The following HACE1 variants were observed in gnomAD, a reference collection of about 807,000 sequenced individuals.
HACE1 encodes the protein HECT domain and ankyrin repeat containing E3 ubiquitin protein ligase 1.
Under a neutral mutation model 118.4 loss-of-function variants are expected in HACE1, and 73 were observed. The ratio of observed to expected loss-of-function variants is 0.62; its 90% confidence interval spans 0.51 to 0.75. The LOEUF is 0.75. Ranked by LOEUF, HACE1 falls within the 30% of genes least tolerant of loss-of-function variation. HACE1 has a pLI of 0.00. For missense variants in HACE1, 749 were observed against 1,102.2 expected, an observed-to-expected ratio of 0.68 and a Z score of 4.54; for synonymous variants, 368 against 374.8, an observed-to-expected ratio of 0.98 and a Z score of 0.21.
At chr6:104,859,400 G>C in intron 1 of HACE1, 167 bp downstream of exon 1, 1 of 588,750 alleles carries the variant, frequency 1.7e-6, no homozygotes, top group South Asian at 2.1e-5. Context: ...GGAGCGTCGG[G>C]CCAGGGGAGT....
chr6:104,835,618 G>GA (rs971740658), intron 5 of HACE1, among the ~76,000 whole-genome samples: 2 of 152,002 alleles, frequency 1.3e-5, no homozygotes, highest in African/African-American at 4.8e-5. Flanking sequence ...AGGAGTTGGG[G>GA]AAAAAATAAA....
intron 17 of HACE1, among the ~76,000 whole-genome samples, chr6:104,774,146 G>C (rs1780955771): frequency 9.9e-6 from 1 of 101,048 alleles, no homozygotes; most frequent in Admixed American, 1.0e-4. Context: ...CTGGAGTGCA[G>C]TGGCGGGATC....
intron 19 of HACE1, among the ~76,000 whole-genome samples, chr6:104,767,635 G>GT (rs1248026254): frequency 1.3e-5 from 2 of 152,122 alleles, no homozygotes; most frequent in Non-Finnish European, 2.9e-5. Context: ...TGGATGCAAA[G>GT]TCTTTCAGAA....
chr6:104,779,644 GA>G (rs1445874772), intron 14 of HACE1, among the ~76,000 whole-genome samples: 2 of 152,020 alleles, frequency 1.3e-5, no homozygotes, highest in African/African-American at 2.4e-5. Flanking sequence ...TAAGAGGAGA[GA>G]AAAAACATTA....
intron 22 of HACE1, among the ~76,000 whole-genome samples, chr6:104,743,056 G>A (rs369840051): frequency 6.6e-5 from 10 of 151,256 alleles, no homozygotes; most frequent in East Asian, 2.0e-4. Context: ...GTAAACTATC[G>A]CAAGAACAAA....
chr6:104,730,449 T>A (rs1562240851), intron 22 of HACE1, 33 bp from the exon 23 acceptor site: 3 of 979,978 alleles, frequency 3.1e-6, no homozygotes, highest in Non-Finnish European at 5.0e-6. Flanking sequence ...ATTGTAATCA[T>A]GAAAGAAAGA....
chr6:104,753,645 G>A (rs1459677036), intron 19 of HACE1, among the ~76,000 whole-genome samples: 1 of 152,134 alleles, frequency 6.6e-6, no homozygotes, highest in Non-Finnish European at 1.5e-5. Context: ...GCAAACCACA[G>A]CAGCCCTATA....
At position 104,728,646 on chromosome 6, in the gene HACE1, T is replaced by C. The variant is rs1774891707; in HGVS notation, c.*1016A>G. 1.3e-5 allele frequency: 2 copies of C among 152,168 alleles called. No individual in the cohort carries two copies. The highest frequency in any genetic ancestry group is 1.3e-4 in the Admixed American group (2 of 15,278). 9.4% of individuals were successfully genotyped at this position (152,168 alleles called of 1,614,324 possible). ...AACATAACAAATCCTTCCGTTAGCATTTCTTCGTGTATGCATGTTCCTACT... is the reference window on the plus strand; with the variant it reads ...AACATAACAAATCCTTCCGTTAGCACTTCTTCGTGTATGCATGTTCCTACT... On this transcript the variant is annotated 3_prime_UTR_variant, in exon 24 of 24. Transcript: ENST00000262903.
intron 22 of HACE1, among the ~76,000 whole-genome samples, chr6:104,743,302 TA>T (rs1054555342): frequency 1.3e-4 from 20 of 149,416 alleles, no homozygotes; most frequent in African/African-American, 4.9e-4. Context: ...CCCTAAAACT[TA>T]AAGTATAATA....
At chr6:104,830,110 G>A (rs897578826) in intron 6 of HACE1, among the ~76,000 whole-genome samples, 3 of 152,050 alleles carry the variant, frequency 2.0e-5, no homozygotes, top group Non-Finnish European at 4.4e-5. Flanking sequence ...TGGGCAACAG[G>A]TAGGGTGTGC....
intron 6 of HACE1, among the ~76,000 whole-genome samples, chr6:104,819,645 G>A (rs951192121): frequency 6.6e-6 from 1 of 152,064 alleles, no homozygotes; most frequent in East Asian, 1.9e-4. Context: ...CTATACTACA[G>A]GGATATAGTG....
chr6:104,735,125 G>A (rs949212437), intron 22 of HACE1, among the ~76,000 whole-genome samples: 12 of 151,816 alleles, frequency 7.9e-5, no homozygotes, highest in Non-Finnish European at 1.2e-4. Context: ...TGGCAATACC[G>A]TAATTTAAAA....
In HACE1 at chr6:104,836,234, T is replaced by C. The variant is rs533748726; in HGVS notation, c.403-3061A>G. Among the ~76,000 whole-genome samples, 3 of 152,080 alleles carry C rather than the reference T, an allele frequency of 2.0e-5. No individual in the cohort carries two copies. In the South Asian group the frequency reaches 6.2e-4, roughly 32 times the overall value. On this transcript the variant is annotated intron_variant, in intron 5 of 23. Transcript: ENST00000262903. ...CAATCCAGCCAAGAGAGCACAGAAG[T>C]CTCCGTAAGAGACTCCTTCAAGACA...
intron 5 of HACE1, among the ~76,000 whole-genome samples, chr6:104,837,927 T>C (rs12110952): frequency 6.6e-6 from 1 of 151,726 alleles, no homozygotes; most frequent in African/African-American, 2.4e-5. Flanking sequence ...GCAAACAACC[T>C]GAAAAAGAAG....
chr6:104,846,412 T>C (rs1420781172), intron 4 of HACE1, among the ~76,000 whole-genome samples: 3 of 152,198 alleles, frequency 2.0e-5, no homozygotes, highest in Non-Finnish European at 4.4e-5. Flanking sequence ...GCATGAGCAA[T>C]GCTGAATCCC....
chr6:104,761,318 C>A (rs1158067493), intron 19 of HACE1, among the ~76,000 whole-genome samples: 1 of 152,138 alleles, frequency 6.6e-6, no homozygotes, highest in African/African-American at 2.4e-5. Context: ...GCTACAGTAA[C>A]CAAAACAGAA....
intron 22 of HACE1, among the ~76,000 whole-genome samples, chr6:104,742,890 T>G (rs1338077497): frequency 1.3e-5 from 2 of 151,788 alleles, no homozygotes; most frequent in Non-Finnish European, 2.9e-5. Context: ...TTATTCACAA[T>G]AGCAAAGACT....
rs909438562 is a variant in HACE1, at chr6:104,732,601, A to G, written c.2514-2185T>C. On this transcript the variant is annotated intron_variant, in intron 22 of 23. Transcript: ENST00000262903. The stretch of plus-strand genomic sequence containing the variant: ...TCAGTTGGGAAAGATGAAAAAATTC[A>G]GAAGATGGATGGTGGTGATAGTCAC... 3.3e-5 allele frequency among the ~76,000 whole-genome samples: 5 copies of G among 152,320 alleles called. No individual in the cohort carries two copies. In the Middle Eastern group the frequency reaches 0.01, roughly 311 times the overall value.
intron 1 of HACE1, among the ~76,000 whole-genome samples, chr6:104,852,830 AAT>A (rs1196948772): frequency 6.6e-6 from 1 of 152,156 alleles, no homozygotes; most frequent in Non-Finnish European, 1.5e-5. Context: ...ATGGATATTA[AAT>A]ATATATATGC....
Sources: gnomAD v4.1 joint callset for allele counts (sites outside exome capture counted in the v4.1 genomes callset) on GRCh38, gnomAD v4.1.1 for gene constraint, MANE v1.5 for transcripts, NCBI Gene and HGNC (gene_info 2026-07-23, HGNC 2026-07-21) for gene names.